The following CDCA7L variants were observed in gnomAD, a reference collection of about 807,000 sequenced individuals.
The protein encoded by CDCA7L is cell division cycle associated 7 like, also known as cell division cycle-associated 7-like protein.
CDCA7L carries 44 observed loss-of-function variants against 57.4 expected under a neutral mutation model. That is an observed-to-expected ratio of 0.77 (90% CI 0.60 to 0.98). The LOEUF is 0.98. Ranked by LOEUF, CDCA7L falls within the 50% of genes least tolerant of loss-of-function variation. The pLI is 0.00. For missense variants in CDCA7L, 644 were observed against 580.6 expected (o/e 1.11, Z -1.12); for synonymous variants, 236 against 202.8 (o/e 1.16, Z -1.39).
chr7:21,903,199 T>A, intron 8 of CDCA7L, 85 bp from the exon 9 acceptor site: 2 of 1,341,194 alleles, frequency 1.5e-6, no homozygotes, highest in Non-Finnish European at 1.0e-6. Flanking sequence ...ATGGCTCAGC[T>A]GGCCTCTCCT....
At chr7:21,914,350 CCTT>C (rs1362050831) in intron 2 of CDCA7L, among the ~76,000 whole-genome samples, 2 of 152,296 alleles carry the variant, frequency 1.3e-5, no homozygotes, top group Admixed American at 1.3e-4. Flanking sequence ...TGAGGTCTCC[CCTT>C]CTTAAGGAGT....
In CDCA7L at chr7:21,900,980, A is replaced by ATTGCAACCGCTGTGTT; in HGVS notation, c.*1326_*1341dup. ...ATCATTAGTAGCAAGCTGCCACACA[A>ATTGCAACCGCTGTGTT]TTGCAACCGCTGTGTTTTTGCCATA... is the stretch of plus-strand genomic sequence containing the variant. On this transcript the variant is annotated 3_prime_UTR_variant, in exon 10 of 10. Coordinates refer to ENST00000406877, the MANE Select transcript of CDCA7L (RefSeq NM_018719.5). 6.5e-7 allele frequency: 1 copy of ATTGCAACCGCTGTGTT among 1,547,436 alleles called. No homozygotes were observed. The highest frequency in any genetic ancestry group is 8.7e-7 in the Non-Finnish European group (1 of 1,147,506).
intron 2 of CDCA7L, among the ~76,000 whole-genome samples, chr7:21,914,820 T>A (rs73281717): frequency 1.3e-5 from 2 of 152,156 alleles, no homozygotes; most frequent in African/African-American, 4.8e-5. Flanking sequence ...AGTATCTGTA[T>A]GAAAAGCAGT....
chr7:21,933,619 T>G (rs1306803267), intron 1 of CDCA7L, among the ~76,000 whole-genome samples: 3 of 151,994 alleles, frequency 2.0e-5, no homozygotes, highest in Non-Finnish European at 4.4e-5. Context: ...CACATGGACA[T>G]GGGAAGAGGA....
Position 21,916,650 on chromosome 7 carries a change from T to G in CDCA7L, c.165+104A>C, listed in dbSNP as rs374669111. 4.3e-5 allele frequency: 45 copies of G among 1,048,700 alleles called. No homozygotes were observed. In the African/African-American group the frequency reaches 6.2e-4, roughly 14 times the overall value. 65.0% of individuals were successfully genotyped at this position (1,048,700 alleles called of 1,614,324 possible). On this transcript the variant is annotated intron_variant, in intron 2 of 9. Transcript: ENST00000406877. ...GTTTCTAAAATAAAATGCTAGACAA[T>G]GAACTGATATCACCAATCTCACACC...
At chr7:21,932,212 A>G (rs1346177878) in intron 1 of CDCA7L, among the ~76,000 whole-genome samples, 4 of 152,224 alleles carry the variant, frequency 2.6e-5, no homozygotes, top group Non-Finnish European at 5.9e-5. Flanking sequence ...GTATCATGAA[A>G]ATGGCCATAC....
At position 21,911,708 on chromosome 7, in the gene CDCA7L, C is replaced by A; in HGVS notation, c.212G>T (p.Arg71Ile). The A allele has an allele frequency of 6.2e-7, 1 of 1,613,850 alleles. No individual in the cohort carries two copies. The highest frequency in any genetic ancestry group is 1.1e-5 in the South Asian group (1 of 91,046). Residue 71 changes from arginine (R) to isoleucine (I), a missense_variant, in exon 3 of 10, where the codon AGA becomes ATA. Arg to Ile is a moderately conservative substitution (Grantham distance 97, BLOSUM62 -3). Transcript: ENST00000406877. ...TGAGTCAGTGTCCTCTATAAAAATT[C>A]TTCTTAGCTCTTCTGTGAAGTATTT... ...HSKYFTEELR[R>I]IFIEDTDSET...
At chr7:21,902,703 T>TGTTCCTTCCATTTCTGTCA (rs1491508777) in intron 9 of CDCA7L, 1 of 429,674 alleles carries the variant, frequency 2.3e-6, no homozygotes, top group Admixed American at 3.8e-5. Context: ...CTTGTTTGTT[T>TGTTCCTTCCATTTCTGTCA]GTTCCTTCCA....
At position 21,906,588 on chromosome 7, in the gene CDCA7L, G is replaced by A. The variant is rs1221878454; in HGVS notation, c.733C>T (p.Arg245Ter). Residue 245 changes from arginine (R) to a stop codon, truncating the protein, a stop_gained, in exon 5 of 10, where the codon CGA becomes TGA. Coordinates refer to ENST00000406877, the MANE Select transcript of CDCA7L (RefSeq NM_018719.5). LOFTEE classifies it high-confidence loss of function. ...CTTACAGAAGCTGAGGTTGGGGTTC[G>A]TACTGGGAAGAAATCTGGCATCGAG... is the stretch of plus-strand genomic sequence containing the variant. ...LNSMPDFFPV[R>*]TPTSASRKKT... is the part of the protein sequence containing the mutation. The A allele has an allele frequency of 1.3e-5, 21 of 1,614,132 alleles. No individual in the cohort carries two copies. Among genetic ancestry groups the A allele is most frequent in the Non-Finnish European group, 1.7e-5 (20 of 1,180,012 alleles).
At chr7:21,916,367 G>A (rs922421273) in intron 2 of CDCA7L, among the ~76,000 whole-genome samples, 2 of 151,974 alleles carry the variant, frequency 1.3e-5, no homozygotes, top group African/African-American at 4.8e-5. Flanking sequence ...GGACCACAGA[G>A]GTGTAATTGT....
At chr7:21,908,014 T>G in intron 4 of CDCA7L, 116 bp downstream of exon 4, 2 of 1,135,498 alleles carry the variant, frequency 1.8e-6, no homozygotes, top group East Asian at 5.2e-5. Flanking sequence ...GAGTATATTT[T>G]CTTGACAGAA....
Position 21,908,442 on chromosome 7 carries a change from T to A in CDCA7L, c.369A>T (p.Glu123Asp). 6.4e-7 allele frequency: 1 copy of A among 1,573,322 alleles called. No homozygotes were observed. The highest frequency in any genetic ancestry group is 8.6e-7 in the Non-Finnish European group (1 of 1,166,390). ...ASLVSEEEED[E>D]EEDKATPRRS... ...TTCTAGGGGTAGCCTTATCTTCTTCTTCATCTTCCTCTTCCTCGCTCACCA... is the reference window on the plus strand; with the variant it reads ...TTCTAGGGGTAGCCTTATCTTCTTCATCATCTTCCTCTTCCTCGCTCACCA... The change falls in exon 4 of 10, where the codon GAA becomes GAT. Residue 123 changes from glutamate (E) to aspartate (D), a missense_variant. Physicochemically the swap from Glu to Asp is conservative, Grantham distance 45 (BLOSUM62 2). Transcript: ENST00000406877.
chr7:21,944,477 C>G (rs1392545624), intron 1 of CDCA7L, among the ~76,000 whole-genome samples: 1 of 83,170 alleles, frequency 1.2e-5, no homozygotes, highest in Non-Finnish European at 2.4e-5. Context: ...AAAAAGGATG[C>G]TAATACACGG....
At chr7:21,910,393 A>T (rs1785278324) in intron 3 of CDCA7L, among the ~76,000 whole-genome samples, 1 of 152,184 alleles carries the variant, frequency 6.6e-6, no homozygotes. Context: ...GCAAAAAATC[A>T]CTATCAAACG....
chr7:21,945,847 G>T lies in CDCA7L; in HGVS notation c.-43C>A. On this transcript the variant is annotated 5_prime_UTR_variant, in exon 1 of 10. Transcript: ENST00000406877. ...CAGTCTCCTCCCAGCACGCGGCCAC[G>T]GGAGCCCGGACTCACCACGGCCCGG... is the stretch of plus-strand genomic sequence containing the variant. 1.3e-6 allele frequency: 2 copies of T among 1,587,564 alleles called. No homozygotes were observed. Among genetic ancestry groups the T allele is most frequent in the Non-Finnish European group, 8.6e-7 (1 of 1,169,154 alleles).
intron 1 of CDCA7L, chr7:21,944,890 A>C (rs1252443179): frequency 6.6e-6 from 1 of 151,928 alleles, no homozygotes; most frequent in Admixed American, 6.6e-5. Context: ...AAAAAAAAAA[A>C]CAATCCTCGC....
At chr7:21,937,211 T>G (rs1361848722) in intron 1 of CDCA7L, among the ~76,000 whole-genome samples, 1 of 152,230 alleles carries the variant, frequency 6.6e-6, no homozygotes, top group East Asian at 1.9e-4. Context: ...GTGACAATAC[T>G]AACTGAAGCT....
intron 3 of CDCA7L, among the ~76,000 whole-genome samples, chr7:21,911,006 A>ATTTTTTTTTTTTTTTT (rs557286550): frequency 1.2e-5 from 1 of 82,532 alleles, no homozygotes; most frequent in African/African-American, 5.9e-5. Flanking sequence ...TCTTGAGATA[A>ATTTTTTTTTTTTTTTT]TTTTTTTTTT....
At chr7:21,918,141 A>G (rs1785544025) in intron 1 of CDCA7L, among the ~76,000 whole-genome samples, 1 of 152,214 alleles carries the variant, frequency 6.6e-6, no homozygotes, top group African/African-American at 2.4e-5. Flanking sequence ...AATGCATTGC[A>G]TAAGGGGGCA....
Sources: allele counts gnomAD v4.1 joint callset (sites outside exome capture counted in the v4.1 genomes callset), GRCh38; gene constraint gnomAD v4.1.1; transcripts MANE v1.5; gene names NCBI Gene and HGNC (gene_info 2026-07-23, HGNC 2026-07-21).